Variants in XPNPEP3 observed in about 807,000 individuals in gnomAD.
The protein encoded by XPNPEP3 is X-prolyl aminopeptidase 3, also known as xaa-Pro aminopeptidase 3.
In XPNPEP3, 41 loss-of-function variants were observed where a neutral mutation model predicts 60.0. That is an observed-to-expected ratio of 0.68 (90% CI 0.53 to 0.89). The LOEUF (loss-of-function observed/expected upper bound fraction) is 0.89, where lower values mean the gene tolerates loss of function less well. Among genes scored for constraint, XPNPEP3 ranks in the 40% least tolerant of loss-of-function variants. The pLI, the probability that XPNPEP3 is intolerant of heterozygous loss-of-function variation, is 0.00. For missense variants in XPNPEP3, 598 were observed against 638.9 expected, an observed-to-expected ratio of 0.94 and a Z score of 0.69; for synonymous variants, 212 against 223.2, an observed-to-expected ratio of 0.95 and a Z score of 0.45.
chr22:40,918,445 G>A (rs2058204366), intron 7 of XPNPEP3, among the ~76,000 whole-genome samples: 1 of 152,146 alleles, frequency 6.6e-6, no homozygotes, highest in Non-Finnish European at 1.5e-5. Flanking sequence ...GCCAAGGCAG[G>A]TGGATCACCT....
intron 4 of XPNPEP3, among the ~76,000 whole-genome samples, chr22:40,899,811 C>T (rs1569025976): frequency 8.3e-6 from 1 of 120,272 alleles, no homozygotes; most frequent in Non-Finnish European, 1.7e-5. Flanking sequence ...GAGCGAGACT[C>T]TATCTCAAAA....
chr22:40,890,031 A>G (rs1214079584), intron 4 of XPNPEP3, among the ~76,000 whole-genome samples: 1 of 152,192 alleles, frequency 6.6e-6, no homozygotes, highest in African/African-American at 2.4e-5. Context: ...TCTATCATTA[A>G]TCAAGTCTAA....
At chr22:40,916,836 A>G (rs945463441) in intron 7 of XPNPEP3, among the ~76,000 whole-genome samples, 2 of 152,212 alleles carry the variant, frequency 1.3e-5, no homozygotes. Flanking sequence ...ATGTAATCCC[A>G]GCACACTGGG....
Position 40,932,402 on chromosome 22 carries a change from G to A in XPNPEP3, c.*5967G>A, listed in dbSNP as rs942152793. The A allele has an allele frequency of 4.6e-5, 7 of 151,776 alleles. No homozygotes were observed. Among genetic ancestry groups the A allele is most frequent in the Non-Finnish European group, 1.0e-4 (7 of 67,984 alleles). The allele number at this position is 151,776 out of a possible 1,614,324, so 9.4% of individuals were successfully genotyped here. On this transcript the variant is annotated 3_prime_UTR_variant, in exon 10 of 10. Coordinates refer to ENST00000357137, the MANE Select transcript of XPNPEP3 (RefSeq NM_022098.4). Reference sequence around the variant, plus strand: ...ATAGCTCAAAACAAGTTTTAAGCCTGAGAAAATATAATTTGAGGTGTTTTT... The same window carrying A: ...ATAGCTCAAAACAAGTTTTAAGCCTAAGAAAATATAATTTGAGGTGTTTTT...
At chr22:40,897,318 G>T (rs1387062998) in intron 4 of XPNPEP3, among the ~76,000 whole-genome samples, 1 of 152,056 alleles carries the variant, frequency 6.6e-6, no homozygotes, top group Non-Finnish European at 1.5e-5. Flanking sequence ...GTAATCCACC[G>T]TGCCCGGCCT....
At chr22:40,925,080 C>T (rs1019980027) in intron 9 of XPNPEP3, among the ~76,000 whole-genome samples, 3 of 152,174 alleles carry the variant, frequency 2.0e-5, no homozygotes, top group African/African-American at 7.2e-5. Context: ...TGGGGGGCTG[C>T]TCAAGCTTCC....
chr22:40,891,809 TCA>T (rs2058089651), intron 4 of XPNPEP3, among the ~76,000 whole-genome samples: 1 of 152,214 alleles, frequency 6.6e-6, no homozygotes, highest in Non-Finnish European at 1.5e-5. Flanking sequence ...TGCTTGGCAC[TCA>T]GTTGCATTGT....
intron 1 of XPNPEP3, chr22:40,861,594 G>A: frequency 6.2e-7 from 1 of 1,613,102 alleles, no homozygotes; most frequent in Non-Finnish European, 8.5e-7. Context: ...AAAGTATCCT[G>A]CATCTCTGTT....
At chr22:40,874,892 C>G (rs1342735936) in intron 2 of XPNPEP3, among the ~76,000 whole-genome samples, 1 of 152,188 alleles carries the variant, frequency 6.6e-6, no homozygotes, top group African/African-American at 2.4e-5. Context: ...CCACATGCCT[C>G]TGTAGTCTCA....
At chr22:40,909,101 C>A in intron 5 of XPNPEP3, 21 bp from the exon 6 acceptor site, 1 of 1,610,736 alleles carries the variant, frequency 6.2e-7, no homozygotes, top group Non-Finnish European at 8.5e-7. Flanking sequence ...CTTTGTCATA[C>A]CTTGCTGTTG....
intron 2 of XPNPEP3, among the ~76,000 whole-genome samples, chr22:40,872,487 G>A (rs1228136615): frequency 6.7e-6 from 1 of 149,470 alleles, no homozygotes; most frequent in African/African-American, 2.5e-5. Context: ...TTTCGCTCTT[G>A]TCGCCCAGGC....
At chr22:40,899,929 G>A (rs542636642) in intron 4 of XPNPEP3, among the ~76,000 whole-genome samples, 21 of 151,762 alleles carry the variant, frequency 1.4e-4, no homozygotes, top group African/African-American at 4.8e-4. Flanking sequence ...CCGAATACTC[G>A]GGAGGCAGTC....
Position 40,901,915 on chromosome 22 carries a change from G to T in XPNPEP3, c.793-5672G>T, listed in dbSNP as rs6002192. On this transcript the variant is annotated intron_variant, in intron 4 of 9. Coordinates refer to ENST00000357137, the MANE Select transcript of XPNPEP3 (RefSeq NM_022098.4). ...TTCTTTTCTGGTGATGAAAATGTTT[G>T]GGAACTAGAGAGAGGTGGTGGTTGC... 6.6e-3 allele frequency among the ~76,000 whole-genome samples: 1,005 copies of T among 152,114 alleles called. 13 individuals carry two copies. Among genetic ancestry groups the T allele is most frequent in the African/African-American group, 0.023 (942 of 41,448 alleles).
chr22:40,868,751 G>A (rs1359345840), intron 1 of XPNPEP3, among the ~76,000 whole-genome samples: 2 of 152,022 alleles, frequency 1.3e-5, no homozygotes, highest in African/African-American at 4.8e-5. Flanking sequence ...GAGGCTTGAG[G>A]CAGGAGAATC....
chr22:40,923,393 C>T (rs745871578), intron 8 of XPNPEP3, among the ~76,000 whole-genome samples: 1 of 151,762 alleles, frequency 6.6e-6, no homozygotes, highest in Admixed American at 6.6e-5. Flanking sequence ...TCAGTAAAAA[C>T]GTAAAACCTC....
intron 7 of XPNPEP3, among the ~76,000 whole-genome samples, chr22:40,921,223 CCT>C (rs1410913274): frequency 5.9e-5 from 9 of 152,172 alleles, no homozygotes; most frequent in African/African-American, 2.2e-4. Flanking sequence ...AAGGGACATA[CCT>C]ACAAGTTTTC....
intron 1 of XPNPEP3, among the ~76,000 whole-genome samples, chr22:40,867,716 A>ATCCT (rs773916208): frequency 1.3e-5 from 2 of 152,152 alleles, no homozygotes; most frequent in Non-Finnish European, 2.9e-5. Context: ...TTAAAAATAA[A>ATCCT]TAAATGAATA....
intron 2 of XPNPEP3, among the ~76,000 whole-genome samples, chr22:40,879,214 C>T (rs2058038211): frequency 6.6e-6 from 1 of 152,180 alleles, no homozygotes; most frequent in Admixed American, 6.5e-5. Flanking sequence ...CTTCTTGGCC[C>T]CATTTTGTTG....
intron 1 of XPNPEP3, chr22:40,861,579 G>A: frequency 1.9e-6 from 3 of 1,613,078 alleles, no homozygotes; most frequent in Non-Finnish European, 2.5e-6. Flanking sequence ...ACTGGCAGTG[G>A]AGAAAAAGTA....
Sources: allele counts gnomAD v4.1 joint callset (sites outside exome capture counted in the v4.1 genomes callset), GRCh38; gene constraint gnomAD v4.1.1; transcripts MANE v1.5; gene names NCBI Gene and HGNC (gene_info 2026-07-23, HGNC 2026-07-21).